The following RALY variants were observed in gnomAD, a reference collection of about 807,000 sequenced individuals.
RALY encodes RALY heterogeneous nuclear ribonucleoprotein.
In RALY, 15 loss-of-function variants were observed where a neutral mutation model predicts 30.7. That is an observed-to-expected ratio of 0.49 (90% CI 0.33 to 0.75). RALY has a LOEUF of 0.75. Ranked by LOEUF, RALY falls within the 30% of genes least tolerant of loss-of-function variation. RALY has a pLI of 0.02. For missense variants in RALY, 339 were observed against 414.3 expected, an observed-to-expected ratio of 0.82 and a Z score of 1.58; for synonymous variants, 177 against 170.8, an observed-to-expected ratio of 1.04 and a Z score of -0.28.
chr20:34,060,364 G>A (rs2123211584), intron 2 of RALY, among the ~76,000 whole-genome samples: 1 of 152,290 alleles, frequency 6.6e-6, no homozygotes, highest in South Asian at 2.1e-4. Context: ...TCAGATTAGG[G>A]ATGCTCAGCC....
chr20:33,998,735 G>A (rs535654348), intron 1 of RALY, among the ~76,000 whole-genome samples: 3 of 152,300 alleles, frequency 2.0e-5, no homozygotes, highest in Non-Finnish European at 2.9e-5. Flanking sequence ...TGGAGAGCTA[G>A]AACACTGTGG....
chr20:34,018,752 T>G (rs2031703756), intron 1 of RALY, among the ~76,000 whole-genome samples: 1 of 152,204 alleles, frequency 6.6e-6, no homozygotes, highest in Admixed American at 6.5e-5. Context: ...GCTGTACTTG[T>G]GGACTACAGG....
chr20:34,042,530 TC>T (rs1455880350), intron 2 of RALY, among the ~76,000 whole-genome samples: 1 of 152,220 alleles, frequency 6.6e-6, no homozygotes, highest in East Asian at 1.9e-4. Flanking sequence ...GACATCTGGT[TC>T]CTGTGAGGTA....
At chr20:34,006,231 G>T (rs890644283) in intron 1 of RALY, among the ~76,000 whole-genome samples, 3 of 152,194 alleles carry the variant, frequency 2.0e-5, no homozygotes, top group Non-Finnish European at 4.4e-5. Flanking sequence ...GCAATTCATT[G>T]TCAGTCTTGT....
chr20:34,057,419 G>A (rs1362993331), intron 2 of RALY, among the ~76,000 whole-genome samples: 2 of 152,196 alleles, frequency 1.3e-5, no homozygotes, highest in African/African-American at 4.8e-5. Context: ...TGTAATCCCA[G>A]CACTTTGGGA....
At chr20:34,026,529 A>C (rs2032045355) in intron 1 of RALY, among the ~76,000 whole-genome samples, 1 of 150,636 alleles carries the variant, frequency 6.6e-6, no homozygotes, top group Non-Finnish European at 1.5e-5. Flanking sequence ...CAGCCTCCTG[A>C]GTAGCTGGGA....
At chr20:34,031,056 T>G (rs149099645) in intron 1 of RALY, among the ~76,000 whole-genome samples, 2 of 8,478 alleles carry the variant, frequency 2.4e-4, no homozygotes, top group African/African-American at 2.5e-3. Context: ...CCTCCCCCCC[T>G]TTTTTTGAGA....
rs1555810268 is a variant in RALY, at chr20:34,077,058, CCGG to C, written c.702_704del (p.Gly238del). The C allele has an allele frequency of 4.5e-5, 72 of 1,589,196 alleles. No homozygotes were observed. Among genetic ancestry groups the C allele is most frequent in the Admixed American group, 3.1e-4 (18 of 57,846 alleles). On this transcript the variant is annotated inframe_deletion, in exon 8 of 10. Coordinates refer to ENST00000246194, the MANE Select transcript of RALY (RefSeq NM_016732.3). Reference sequence around the variant, plus strand: ...AAGAAGAAGGGTGATGGAGGTGGCGCCGGCGGCGGCGGCGGTGGTGGTGGCAGC... The same window carrying C: ...AAGAAGAAGGGTGATGGAGGTGGCGCCGGCGGCGGCGGTGGTGGTGGCAGC...
chr20:33,999,068 T>A (rs1253242014), intron 1 of RALY, among the ~76,000 whole-genome samples: 1 of 147,304 alleles, frequency 6.8e-6, no homozygotes, highest in Admixed American at 6.9e-5. Flanking sequence ...AGGTGGAGGT[T>A]GCAGTGAGCT....
At chr20:34,015,149 A>G (rs972723494) in intron 1 of RALY, 2 of 152,184 alleles carry the variant, frequency 1.3e-5, no homozygotes, top group Non-Finnish European at 2.9e-5. Context: ...ATGAGGAAGT[A>G]CGGAAGCCAG....
chr20:34,009,545 G>A (rs2031309247), intron 1 of RALY, among the ~76,000 whole-genome samples: 1 of 151,918 alleles, frequency 6.6e-6, no homozygotes, highest in African/African-American at 2.4e-5. Context: ...CCTCTACCAG[G>A]GTTGTTATAT....
intron 1 of RALY, among the ~76,000 whole-genome samples, chr20:33,996,579 C>T (rs942990750): frequency 1.3e-5 from 2 of 151,942 alleles, no homozygotes; most frequent in Admixed American, 1.3e-4. Flanking sequence ...TGGCAGTATT[C>T]AGACTGCAGA....
chr20:34,038,564 A>G (rs751003812), intron 2 of RALY, among the ~76,000 whole-genome samples: 13 of 152,190 alleles, frequency 8.5e-5, no homozygotes, highest in Admixed American at 1.3e-4. Flanking sequence ...GCCACCTCCC[A>G]TATCCCCAAT....
chr20:34,037,293 T>C (rs937600443), intron 2 of RALY, among the ~76,000 whole-genome samples: 1 of 152,190 alleles, frequency 6.6e-6, no homozygotes, highest in African/African-American at 2.4e-5. Flanking sequence ...CAGGCTGAGC[T>C]TTGAGTAAGA....
rs149633261 is a variant in RALY, at chr20:34,069,173, C to T, written c.-9-2893C>T. ...AGAATGTGTTCCACTGTGACCTTTA[C>T]CCTCATCTAGAATGGGGTTCGCAGA... On this transcript the variant is annotated intron_variant, in intron 2 of 9. Transcript: ENST00000246194. 3.9e-5 allele frequency among the ~76,000 whole-genome samples: 6 copies of T among 152,258 alleles called. No individual in the cohort carries two copies. The East Asian group carries it at 9.7e-4, about 24-fold the overall frequency.
chr20:34,008,604 C>A (rs1324901220), intron 1 of RALY, among the ~76,000 whole-genome samples: 1 of 152,202 alleles, frequency 6.6e-6, no homozygotes, highest in Non-Finnish European at 1.5e-5. Flanking sequence ...ATACTGGTAG[C>A]CCCTTGGGCT....
intron 2 of RALY, among the ~76,000 whole-genome samples, chr20:34,037,954 G>T (rs2032562179): frequency 2.0e-5 from 3 of 152,186 alleles, no homozygotes; most frequent in Admixed American, 1.3e-4. Flanking sequence ...AGCAGCTCAT[G>T]TAAGAAACAG....
intron 2 of RALY, among the ~76,000 whole-genome samples, chr20:34,060,331 A>G (rs1343010779): frequency 1.3e-5 from 2 of 152,246 alleles, no homozygotes; most frequent in African/African-American, 4.8e-5. Flanking sequence ...ATCACATTCA[A>G]AGGAAACGCT....
At chr20:34,039,080 C>A (rs748152471) in intron 2 of RALY, among the ~76,000 whole-genome samples, 4 of 152,158 alleles carry the variant, frequency 2.6e-5, no homozygotes, top group Non-Finnish European at 5.9e-5. Context: ...TTCTGTGTCT[C>A]CAAAGGCGCA....
Sources: allele counts gnomAD v4.1 joint callset (sites outside exome capture counted in the v4.1 genomes callset), GRCh38; gene constraint gnomAD v4.1.1; transcripts MANE v1.5; gene names NCBI Gene and HGNC (gene_info 2026-07-23, HGNC 2026-07-21).